The following BLTP1 variants were observed in gnomAD, a reference collection of about 807,000 sequenced individuals.
BLTP1 encodes the protein fragile site-associated protein.
the BLTP1 span, among the ~76,000 whole-genome samples, chr4:122,321,206 C>T: frequency 1.3e-5 from 2 of 151,896 alleles, no homozygotes; most frequent in African/African-American, 2.4e-5. Context: ...GTCAAAAAAT[C>T]GTAAGTCAAA....
At chr4:122,318,098 T>A in the BLTP1 span, 2 of 1,562,122 alleles carry the variant, frequency 1.3e-6, no homozygotes, top group Non-Finnish European at 1.7e-6. Flanking sequence ...AAAATCAGTC[T>A]TACTTTGTTA....
At chr4:122,350,267 A>T in the BLTP1 span, 1 of 985,282 alleles carries the variant, frequency 1.0e-6, no homozygotes, top group African/African-American at 1.7e-5. Flanking sequence ...GGAAGACATC[A>T]TTTGTTATCT....
the BLTP1 span, chr4:122,170,363 A>T: frequency 1.1e-6 from 1 of 943,612 alleles, no homozygotes; most frequent in Non-Finnish European, 1.3e-6. Context: ...GAGCCAGAGT[A>T]TAGTAATTGA....
the BLTP1 span, chr4:122,299,875 A>G: frequency 1.0e-6 from 1 of 984,920 alleles, no homozygotes; most frequent in East Asian, 1.1e-4. Flanking sequence ...AGAAAATGTA[A>G]TCTGTATGCT....
the BLTP1 span, among the ~76,000 whole-genome samples, chr4:122,174,853 T>G: frequency 1.3e-5 from 2 of 152,110 alleles, no homozygotes; most frequent in East Asian, 3.9e-4. Flanking sequence ...AATATAAAAA[T>G]AGCTGTTTAT....
the BLTP1 span, chr4:122,333,844 C>T: frequency 3.2e-6 from 5 of 1,573,890 alleles, no homozygotes; most frequent in Non-Finnish European, 3.4e-6. Context: ...AGGGATTAGA[C>T]TATTGGTAGC....
the BLTP1 span, chr4:122,289,185 A>G: frequency 6.2e-7 from 1 of 1,604,612 alleles, no homozygotes; most frequent in Non-Finnish European, 8.5e-7. Flanking sequence ...TAATACAAAA[A>G]GTTTCTGGTA....
chr4:122,231,817 C>T, the BLTP1 span: 1 of 973,040 alleles, frequency 1.0e-6, no homozygotes, highest in African/African-American at 1.8e-5. Flanking sequence ...GTTAACTTTC[C>T]CAAAAGAACC....
chr4:122,196,541 GATA>G, the BLTP1 span: 33 of 991,234 alleles, frequency 3.3e-5, 2 homozygotes, highest in South Asian at 4.7e-4. Context: ...TGATAGCAAT[GATA>G]ATAAAAAATT....
At chr4:122,189,252 T>C in the BLTP1 span, 5 of 942,764 alleles carry the variant, frequency 5.3e-6, no homozygotes, top group Non-Finnish European at 6.3e-6. Flanking sequence ...TGCAAGTTTT[T>C]GCATTTAATA....
chr4:122,277,113 G>A, the BLTP1 span: 4 of 971,974 alleles, frequency 4.1e-6, no homozygotes, highest in Non-Finnish European at 3.7e-6. Flanking sequence ...AAGGTGGGAG[G>A]ATTGCTTGAG....
At chr4:122,270,961 T>C in the BLTP1 span, 1 of 1,489,184 alleles carries the variant, frequency 6.7e-7, no homozygotes, top group Non-Finnish European at 8.9e-7. Context: ...AATAAAGATG[T>C]ATGTTTCTGG....
the BLTP1 span, among the ~76,000 whole-genome samples, chr4:122,299,450 A>G: frequency 2.6e-5 from 4 of 152,200 alleles, no homozygotes; most frequent in Admixed American, 2.0e-4. Context: ...TGGAATTCAA[A>G]TGATGAAAAG....
the BLTP1 span, among the ~76,000 whole-genome samples, chr4:122,268,651 A>G: frequency 2.4e-4 from 37 of 152,194 alleles, 2 homozygotes; most frequent in South Asian, 7.5e-3. Flanking sequence ...TTCCCTACCA[A>G]TATCTTCATT....
At chr4:122,201,927 A>G in the BLTP1 span, 1 of 952,554 alleles carries the variant, frequency 1.0e-6, no homozygotes, top group Non-Finnish European at 1.3e-6. Flanking sequence ...TGTTTAAGGC[A>G]TATGTAGGTA....
At chr4:122,204,323 A>G in the BLTP1 span, 4 of 977,938 alleles carry the variant, frequency 4.1e-6, no homozygotes, top group Middle Eastern at 5.2e-4. Context: ...AAGGTCTGAA[A>G]TGGTGTTTTT....
At chr4:122,250,621 C>A in the BLTP1 span, 1 of 1,551,660 alleles carries the variant, frequency 6.4e-7, no homozygotes, top group South Asian at 1.1e-5. Context: ...AGAAAAATAA[C>A]AAAGAAAACT....
chr4:122,236,675 C>A, the BLTP1 span: 1 of 753,462 alleles, frequency 1.3e-6, no homozygotes, highest in Non-Finnish European at 1.6e-6. Context: ...GATTAACCAT[C>A]ACAAACTCAA....
the BLTP1 span, chr4:122,181,136 G>C: frequency 4.5e-6 from 1 of 221,786 alleles, no homozygotes; most frequent in African/African-American, 2.4e-5. Flanking sequence ...ATTTTTGACA[G>C]ATATAATTGG....
Sources: gnomAD v4.1 joint callset for allele counts (sites outside exome capture counted in the v4.1 genomes callset) on GRCh38, gnomAD v4.1.1 for gene constraint, MANE v1.5 for transcripts, NCBI Gene and HGNC (gene_info 2026-07-23, HGNC 2026-07-21) for gene names.